PDXK: variants seen among roughly 807,000 people sequenced by gnomAD.
PDXK encodes the protein pyridoxal kinase.
A neutral mutation model predicts 43.2 loss-of-function variants in PDXK; 15 were observed. The ratio of observed to expected loss-of-function variants is 0.35; its 90% confidence interval spans 0.23 to 0.53. The LOEUF (loss-of-function observed/expected upper bound fraction) is 0.53. Ranked by LOEUF, PDXK falls within the 20% of genes least tolerant of loss-of-function variation. The pLI, the probability that PDXK is intolerant of heterozygous loss-of-function variation, is 0.92. For synonymous variants in PDXK, 172 were observed against 165.4 expected, an observed-to-expected ratio of 1.04 and a Z score of -0.31; for missense variants, 343 against 417.0, an observed-to-expected ratio of 0.82 and a Z score of 1.54.
In PDXK at chr21:43,747,364, G is replaced by A. The variant is rs150799369; in HGVS notation, c.378+1239G>A. On this transcript the variant is annotated intron_variant, in intron 5 of 10. Coordinates refer to ENST00000291565, the MANE Select transcript of PDXK (RefSeq NM_003681.5). ...GATTTCAGTATCTGCCTTCTTTGTC[G>A]TTGTGTCTAGGGTGTCTGTTTGCTT... Among the ~76,000 whole-genome samples the A allele has an allele frequency of 7.8e-4, 119 of 152,364 alleles. 1 individual carries two copies. Among genetic ancestry groups the A allele is most frequent in the African/African-American group, 1.8e-3 (76 of 41,584 alleles).
chr21:43,719,288 G>A lies in PDXK; in HGVS notation c.-7G>A, dbSNP rs1568969307. 5 of 1,450,566 alleles carry A rather than the reference G, an allele frequency of 3.4e-6. No homozygotes were observed. In the South Asian group the frequency reaches 6.7e-5, roughly 19 times the overall value. 89.9% of individuals were successfully genotyped at this position (1,450,566 alleles called of 1,614,324 possible). A position where few individuals can be genotyped will look rare whatever the true frequency, so the allele number is the denominator to read the frequency against. On this transcript the variant is annotated 5_prime_UTR_variant, in exon 1 of 11. Coordinates refer to ENST00000291565, the MANE Select transcript of PDXK (RefSeq NM_003681.5). ...CTCGGCCCCGCGCCGCCGCGGCCAGGCCCGGCATGGAGGAGGAGTGCCGGG... is the reference window on the plus strand; with the variant it reads ...CTCGGCCCCGCGCCGCCGCGGCCAGACCCGGCATGGAGGAGGAGTGCCGGG...
intron 7 of PDXK, among the ~76,000 whole-genome samples, chr21:43,750,783 G>T (rs866360539): frequency 2.8e-5 from 4 of 140,632 alleles, no homozygotes; most frequent in African/African-American, 7.9e-5. Context: ...ATTGTGTGTG[G>T]GTGTGTGTGT....
At chr21:43,750,764 T>C (rs545877144) in intron 7 of PDXK, among the ~76,000 whole-genome samples, 28 of 131,960 alleles carry the variant, frequency 2.1e-4, no homozygotes, top group Non-Finnish European at 3.0e-4. Flanking sequence ...TGTGCGTGTG[T>C]GCGCGCGTAT....
chr21:43,750,983 CAT>C (rs1164882599), intron 7 of PDXK, among the ~76,000 whole-genome samples: 5 of 139,268 alleles, frequency 3.6e-5, no homozygotes, highest in Admixed American at 1.5e-4. Context: ...TGTGTGTGCA[CAT>C]GTGTGTGAAG....
At chr21:43,741,100 T>A (rs531103832) in intron 2 of PDXK, 4 of 121,036 alleles carry the variant, frequency 3.3e-5, no homozygotes, top group African/African-American at 1.3e-4. Flanking sequence ...GAACTGGCAG[T>A]GGGAGTGTGG....
chr21:43,719,434 C>T (rs1451985486), intron 1 of PDXK, 53 bp downstream of exon 1: 83 of 1,457,600 alleles, frequency 5.7e-5, no homozygotes, highest in Non-Finnish European at 7.3e-5. Flanking sequence ...GTGACCTTGG[C>T]GGGGCTGCCC....
Position 43,756,458 on chromosome 21 carries a change from G to A in PDXK, c.*395G>A, listed in dbSNP as rs2147329608. Reference sequence around the variant, plus strand: ...GTGTCGCGCTGGGCTGGGCCTGGGTGGCCTCTGTCTTTGCATCTCTGAGAA... The same window carrying A: ...GTGTCGCGCTGGGCTGGGCCTGGGTAGCCTCTGTCTTTGCATCTCTGAGAA... On this transcript the variant is annotated 3_prime_UTR_variant, in exon 11 of 11. Coordinates refer to ENST00000291565, the MANE Select transcript of PDXK (RefSeq NM_003681.5). 1.1e-5 allele frequency: 2 copies of A among 174,922 alleles called. No individual in the cohort carries two copies. Among genetic ancestry groups the A allele is most frequent in the East Asian group, 1.7e-4 (1 of 5,994 alleles). The allele number at this position is 174,922 out of a possible 1,614,324, so 10.8% of individuals were successfully genotyped here.
intron 7 of PDXK, among the ~76,000 whole-genome samples, chr21:43,751,433 C>A (rs892126848): frequency 1.3e-5 from 2 of 152,196 alleles, no homozygotes; most frequent in African/African-American, 4.8e-5. Flanking sequence ...CCTATAATCC[C>A]GGCTAGTTGG....
chr21:43,753,812 G>A (rs562944716), intron 9 of PDXK, 93 bp downstream of exon 9: 2 of 1,408,112 alleles, frequency 1.4e-6, no homozygotes, highest in African/African-American at 2.9e-5. Context: ...TCCCTGCTGA[G>A]CTGACAGGGC....
Position 43,734,584 on chromosome 21 carries a change from G to C in PDXK, c.142+461G>C, listed in dbSNP as rs1364436342. Among the ~76,000 whole-genome samples, 1 of 152,164 alleles carries C rather than the reference G, an allele frequency of 6.6e-6. No homozygotes were observed. Among genetic ancestry groups the C allele is most frequent in the Non-Finnish European group, 1.5e-5 (1 of 68,026 alleles). On this transcript the variant is annotated intron_variant, in intron 2 of 10. Coordinates refer to ENST00000291565, the MANE Select transcript of PDXK (RefSeq NM_003681.5). This position sits in a 1 kb window ranked among gnomAD's most constrained non-coding sequence, Gnocchi z 5.0. ...GTCCCCCATGGGGTGGTCGTGCTGG[G>C]GGATGTGTAGGTGGTTCTGGGTTTT... is the stretch of plus-strand genomic sequence containing the variant.
chr21:43,750,375 C>T (rs928973360), intron 6 of PDXK, 125 bp from the exon 7 acceptor site: 15 of 828,204 alleles, frequency 1.8e-5, no homozygotes, highest in Admixed American at 2.6e-5. Context: ...GGCCAGTGGA[C>T]GAAGAGTTAG....
At chr21:43,741,799 G>T in intron 3 of PDXK, 28 bp downstream of exon 3, 1 of 1,454,830 alleles carries the variant, frequency 6.9e-7, no homozygotes, top group Non-Finnish European at 9.6e-7. Context: ...CTGCCGCAGG[G>T]GACTACGCAC....
rs902620654 is a variant in PDXK, at chr21:43,750,647, C to T, written c.510+102C>T. ...GCACCACTGTGTCATTTCTCCCCAGCAGTGACTGAACAGTCTGTACCAGTC... is the reference window on the plus strand; with the variant it reads ...GCACCACTGTGTCATTTCTCCCCAGTAGTGACTGAACAGTCTGTACCAGTC... On this transcript the variant is annotated intron_variant, in intron 7 of 10. Coordinates refer to ENST00000291565, the MANE Select transcript of PDXK (RefSeq NM_003681.5). The T allele has an allele frequency of 3.4e-6, 3 of 874,986 alleles. No individual in the cohort carries two copies. In the East Asian group the frequency reaches 7.8e-5, roughly 23 times the overall value. 54.2% of individuals were successfully genotyped at this position (874,986 alleles called of 1,614,324 possible). A position where few individuals can be genotyped will look rare whatever the true frequency, so the allele number is the denominator to read the frequency against.
intron 2 of PDXK, among the ~76,000 whole-genome samples, chr21:43,739,225 G>A (rs1440485789): frequency 2.6e-5 from 4 of 152,136 alleles, no homozygotes; most frequent in South Asian, 2.1e-4. Flanking sequence ...GTTTTGCCAC[G>A]TTGGCCAGGC....
chr21:43,752,697 C>T, intron 8 of PDXK, 68 bp downstream of exon 8: 5 of 993,400 alleles, frequency 5.0e-6, no homozygotes, highest in Non-Finnish European at 8.0e-6. Context: ...TTTGGGGCTG[C>T]AAGAATGTTT....
At position 43,755,782 on chromosome 21, in the gene PDXK, C is replaced by G. The variant is rs1157601502; in HGVS notation, c.826+18C>G. On this transcript the variant is annotated intron_variant, in intron 10 of 10. Coordinates refer to ENST00000291565, the MANE Select transcript of PDXK (RefSeq NM_003681.5). Reference sequence around the variant, plus strand: ...TGCAAAAGGTACGGCGGCCGGGCTGCATGGGCTGCGTGGGCTCCTGGCTCC... The same window carrying G: ...TGCAAAAGGTACGGCGGCCGGGCTGGATGGGCTGCGTGGGCTCCTGGCTCC... The G allele has an allele frequency of 6.2e-7, 1 of 1,609,522 alleles. No individual in the cohort carries two copies. Among genetic ancestry groups the G allele is most frequent in the South Asian group, 1.1e-5 (1 of 91,002 alleles).
rs1165377012 is a variant in PDXK at position 43,732,368 on chromosome 21, A to T, written c.88-1701A>T. ...TTCTGAGTCTGGCTTTGTCTGGCAC[A>T]TGAAGTTGGATGGGTAGACTCTGGA... On this transcript the variant is annotated intron_variant, in intron 1 of 10. Transcript: ENST00000291565. This position sits in a 1 kb window ranked among gnomAD's most constrained non-coding sequence, Gnocchi z 4.1. 1.2e-6 allele frequency: 2 copies of T among 1,611,068 alleles called. No homozygotes were observed. Among genetic ancestry groups the T allele is most frequent in the South Asian group, 2.2e-5 (2 of 91,026 alleles).
rs114408763 is a variant in PDXK at position 43,731,322 on chromosome 21, A to G, written c.88-2747A>G. ...ACTCTGCTTTTGAAGGGCTCATGTC[A>G]TTCAATTAAACTCTCCTGGATAAGA... On this transcript the variant is annotated intron_variant, in intron 1 of 10. Coordinates refer to ENST00000291565, the MANE Select transcript of PDXK (RefSeq NM_003681.5). Among the ~76,000 whole-genome samples the G allele has an allele frequency of 3.8e-3, 581 of 152,286 alleles. 7 individuals are homozygous for G. Among genetic ancestry groups the G allele is most frequent in the African/African-American group, 0.013 (534 of 41,564 alleles).
Position 43,737,488 on chromosome 21 carries a change from C to T in PDXK, c.142+3365C>T. On this transcript the variant is annotated intron_variant, in intron 2 of 10. Transcript: ENST00000291565. The surrounding 1 kb of genome is among the most constrained non-coding windows in gnomAD (Gnocchi z 4.8). ...CTGTCTGAGCTTCCCGGACTGAGGG[C>T]ACTGGGAAGGAGCCTGCGGAGCTGG... 3.8e-6 allele frequency: 4 copies of T among 1,047,992 alleles called. No homozygotes were observed. The highest frequency in any genetic ancestry group is 4.6e-6 in the Non-Finnish European group (4 of 866,212). 64.9% of individuals were successfully genotyped at this position (1,047,992 alleles called of 1,614,324 possible). A position where few individuals can be genotyped will look rare whatever the true frequency, so the allele number is the denominator to read the frequency against.
Sources: allele counts gnomAD v4.1 joint callset (sites outside exome capture counted in the v4.1 genomes callset), GRCh38; gene constraint gnomAD v4.1.1; non-coding constraint Gnocchi (gnomAD v3.1); transcripts MANE v1.5; gene names NCBI Gene and HGNC (gene_info 2026-07-23, HGNC 2026-07-21).